The following CHM variants were observed in gnomAD, a reference collection of about 807,000 sequenced individuals.
The protein encoded by CHM is CHM Rab escort protein, also known as rab proteins geranylgeranyltransferase component A 1.
Under a neutral mutation model 49.0 loss-of-function variants are expected in CHM, and 10 were observed. The ratio of observed to expected loss-of-function variants is 0.20; its 90% CI spans 0.13 to 0.35. The LOEUF is 0.35. CHM is among the 10% of genes least tolerant of loss of function. The pLI, the probability that CHM is intolerant of heterozygous loss-of-function variation, is 1.00. For missense variants in CHM, 455 were observed against 478.4 expected, an observed-to-expected ratio of 0.95 and a Z score of 0.46; for synonymous variants, 184 against 167.5, an observed-to-expected ratio of 1.10 and a Z score of -0.76.
At position 85,863,717 on chromosome X, in the gene CHM, T is replaced by C. The variant is rs1054332092; in HGVS notation, c.*913A>G. On this transcript the variant is annotated 3_prime_UTR_variant, in exon 15 of 15. Coordinates refer to ENST00000357749, the MANE Select transcript of CHM (RefSeq NM_000390.4). ...ATGGGAAAATTCTAAAACAATTTTC[T>C]TCTGGCAAACCGATTCTAAACATGG... 1 of 112,292 alleles carries C rather than the reference T, an allele frequency of 8.9e-6. No individual in the cohort carries two copies. Among genetic ancestry groups the C allele is most frequent in the Non-Finnish European group, 1.9e-5 (1 of 53,274 alleles). The allele number at this position is 112,292 out of a possible 1,213,427, so 9.3% of individuals were successfully genotyped here.
At chrX:85,921,273 C>T (rs1051540505) in intron 8 of CHM, among the ~76,000 whole-genome samples, 2 of 111,532 alleles carry the variant, frequency 1.8e-5, no homozygotes, top group Non-Finnish European at 3.8e-5. Context: ...AAGGTTAACA[C>T]GTCTTAGTGA....
At chrX:86,041,726 G>GTGTA (rs1183232252) in intron 1 of CHM, among the ~76,000 whole-genome samples, 48 of 83,720 alleles carry the variant, frequency 5.7e-4, no homozygotes, top group African/African-American at 1.9e-3. Flanking sequence ...TGGTGTGTGT[G>GTGTA]TATATATATA....
intron 1 of CHM, among the ~76,000 whole-genome samples, chrX:86,033,036 T>C (rs115660307): frequency 3.6e-5 from 4 of 111,683 alleles, no homozygotes; most frequent in African/African-American, 1.3e-4. Context: ...GAACCTCACC[T>C]AAGATATTTT....
chrX:86,002,248 T>C, intron 2 of CHM, among the ~76,000 whole-genome samples: 1 of 112,070 alleles, frequency 8.9e-6, no homozygotes, highest in Middle Eastern at 4.6e-3. Context: ...AAGAAAACCC[T>C]AGGGGGTGGT....
At chrX:85,879,530 C>T (rs767689963) in intron 12 of CHM, among the ~76,000 whole-genome samples, 45 of 111,817 alleles carry the variant, frequency 4.0e-4, no homozygotes, top group Admixed American at 3.5e-3. Flanking sequence ...GCACATAAAA[C>T]GGCATAGGTT....
chrX:85,918,926 AG>A (rs1005314766), intron 8 of CHM, among the ~76,000 whole-genome samples: 24 of 111,802 alleles, frequency 2.1e-4, no homozygotes, highest in African/African-American at 7.2e-4. Context: ...ACACAATAAT[AG>A]TGGGAGACTT....
At chrX:85,881,308 T>C (rs1603237229) in intron 12 of CHM, among the ~76,000 whole-genome samples, 1 of 112,060 alleles carries the variant, frequency 8.9e-6, no homozygotes. Context: ...TCTCAAATTA[T>C]TTAAATCTGT....
intron 2 of CHM, among the ~76,000 whole-genome samples, chrX:86,007,645 T>C (rs1304053636): frequency 3.7e-4 from 41 of 112,101 alleles, no homozygotes; most frequent in South Asian, 1.1e-3. Flanking sequence ...AGCCAATAAA[T>C]ACATGAAAAA....
chrX:85,935,097 T>C (rs1464633932), intron 8 of CHM, among the ~76,000 whole-genome samples: 1 of 111,703 alleles, frequency 9.0e-6, no homozygotes, highest in Admixed American at 9.5e-5. Flanking sequence ...GGTGCCAGCA[T>C]CTGCTTCTGG....
intron 2 of CHM, among the ~76,000 whole-genome samples, chrX:85,999,309 T>C (rs1932590764): frequency 8.9e-6 from 1 of 111,745 alleles, no homozygotes; most frequent in African/African-American, 3.2e-5. Context: ...TGACAATTAT[T>C]TGGACCCATG....
intron 10 of CHM, 72 bp from the exon 11 acceptor site, chrX:85,900,781 C>T (rs1179156435): frequency 4.6e-5 from 34 of 740,581 alleles, no homozygotes; most frequent in Non-Finnish European, 6.4e-5. Context: ...TATATAACCA[C>T]CAGAAGGCAC....
chrX:85,885,704 G>A (rs1377411559), intron 12 of CHM, among the ~76,000 whole-genome samples: 1 of 110,940 alleles, frequency 9.0e-6, no homozygotes, highest in Non-Finnish European at 1.9e-5. Context: ...TTTGTCAAAT[G>A]ATTCTTCCAA....
intron 2 of CHM, among the ~76,000 whole-genome samples, chrX:86,020,105 C>T (rs1203757671): frequency 9.0e-6 from 1 of 111,551 alleles, no homozygotes; most frequent in African/African-American, 3.3e-5. Context: ...ACCCAATTCA[C>T]TTAGCTTACC....
chrX:85,973,577 T>TA (rs1213407402), intron 4 of CHM, among the ~76,000 whole-genome samples: 1 of 111,434 alleles, frequency 9.0e-6, no homozygotes, highest in Non-Finnish European at 1.9e-5. Context: ...TACAAGCAAA[T>TA]ACAGTAAACT....
chrX:85,930,674 A>C (rs1191611498), intron 8 of CHM, among the ~76,000 whole-genome samples: 2 of 111,584 alleles, frequency 1.8e-5, no homozygotes, highest in Non-Finnish European at 3.8e-5. Flanking sequence ...TCCTCACAGA[A>C]ACTTTGTGAT....
At chrX:85,931,673 T>C (rs1243352102) in intron 8 of CHM, among the ~76,000 whole-genome samples, 1 of 110,652 alleles carries the variant, frequency 9.0e-6, no homozygotes, top group Non-Finnish European at 1.9e-5. Flanking sequence ...TGTACCCCAA[T>C]CCCATAGGAG....
chrX:85,918,898 A>G (rs893775499), intron 8 of CHM, among the ~76,000 whole-genome samples: 3 of 111,931 alleles, frequency 2.7e-5, no homozygotes, highest in Non-Finnish European at 5.6e-5. Context: ...AGTGACCTAC[A>G]AAGAGACTTA....
chrX:86,042,453 C>T (rs754725186), intron 1 of CHM, among the ~76,000 whole-genome samples: 1 of 110,185 alleles, frequency 9.1e-6, no homozygotes, highest in African/African-American at 3.3e-5. Context: ...TAGCAGAAGG[C>T]AAAGGGGAAG....
intron 12 of CHM, among the ~76,000 whole-genome samples, chrX:85,892,068 G>C (rs995674411): frequency 9.0e-6 from 1 of 111,533 alleles, no homozygotes; most frequent in Non-Finnish European, 1.9e-5. Flanking sequence ...TCTCCTATTT[G>C]GAATGGCTGT....
Sources: allele counts gnomAD v4.1 joint callset (sites outside exome capture counted in the v4.1 genomes callset), GRCh38; gene constraint gnomAD v4.1.1; transcripts MANE v1.5; gene names NCBI Gene and HGNC (gene_info 2026-07-23, HGNC 2026-07-21).